The following CD247 variants were observed in gnomAD, a reference collection of about 807,000 sequenced individuals.
CD247 encodes the protein T-cell surface glycoprotein CD3 zeta chain.
In CD247, 13 loss-of-function variants were observed where a neutral mutation model predicts 30.0. That is an observed-to-expected ratio of 0.43 (90% CI 0.28 to 0.69). The LOEUF is 0.69. CD247 is among the 30% of genes least tolerant of loss of function. The pLI is 0.16. For missense variants in CD247, 193 were observed against 212.6 expected (o/e 0.91, Z 0.57); for synonymous variants, 72 against 80.0 (o/e 0.90, Z 0.53).
chr1:167,485,894 A>G (rs1358415671), intron 1 of CD247, among the ~76,000 whole-genome samples: 1 of 151,630 alleles, frequency 6.6e-6, no homozygotes, highest in Non-Finnish European at 1.5e-5. Context: ...GAAAGAAACT[A>G]TGGAGCTGCC....
chr1:167,505,754 T>C lies in CD247; in HGVS notation c.58+12654A>G, dbSNP rs193275505. Among the ~76,000 whole-genome samples the C allele has an allele frequency of 2.7e-3, 405 of 152,334 alleles. 9 individuals are homozygous for C. Among genetic ancestry groups the C allele is most frequent in the Non-Finnish European group, 5.6e-4 (38 of 68,028 alleles). On this transcript the variant is annotated intron_variant, in intron 1 of 7. Transcript: ENST00000362089. ...TCTGGTAGGGGGAGTGGGGAGGGGT[T>C]TCCTCACTGTGGGGATGATCCAATG...
At chr1:167,477,475 C>T (rs111376814) in intron 1 of CD247, among the ~76,000 whole-genome samples, 5 of 152,166 alleles carry the variant, frequency 3.3e-5, no homozygotes. Flanking sequence ...CTCACTGATC[C>T]CTCCTGTGGG....
At chr1:167,479,603 C>A (rs1571566443) in intron 1 of CD247, among the ~76,000 whole-genome samples, 1 of 152,326 alleles carries the variant, frequency 6.6e-6, no homozygotes, top group South Asian at 2.1e-4. Context: ...GACCTCCCCG[C>A]TCCCCATCAT....
intron 1 of CD247, among the ~76,000 whole-genome samples, chr1:167,476,834 A>C (rs2102057861): frequency 6.6e-6 from 1 of 152,260 alleles, no homozygotes; most frequent in African/African-American, 2.4e-5. Flanking sequence ...CACATATAGA[A>C]GGTTTATTAT....
At chr1:167,473,945 G>A in intron 1 of CD247, among the ~76,000 whole-genome samples, 1 of 152,060 alleles carries the variant, frequency 6.6e-6, no homozygotes, top group African/African-American at 2.4e-5. Flanking sequence ...TCTGATGGCT[G>A]CTCCTGGCCT....
chr1:167,442,008 G>A (rs1651854362), intron 1 of CD247, among the ~76,000 whole-genome samples: 1 of 152,182 alleles, frequency 6.6e-6, no homozygotes. Context: ...CCACTCTGGA[G>A]GCTGAGGCAG....
chr1:167,478,965 T>C (rs1653861337), intron 1 of CD247, among the ~76,000 whole-genome samples: 2 of 152,374 alleles, frequency 1.3e-5, no homozygotes, highest in South Asian at 4.1e-4. Context: ...ATTACAGTTT[T>C]TAATATTGCA....
At chr1:167,469,679 A>G (rs1238095413) in intron 1 of CD247, among the ~76,000 whole-genome samples, 2 of 152,132 alleles carry the variant, frequency 1.3e-5, no homozygotes, top group Non-Finnish European at 2.9e-5. Context: ...AGATAAAGGA[A>G]AGTGTTCAAG....
intron 1 of CD247, among the ~76,000 whole-genome samples, chr1:167,492,283 C>T (rs988517144): frequency 3.9e-5 from 6 of 152,106 alleles, no homozygotes; most frequent in Non-Finnish European, 7.4e-5. Context: ...CCAGGAGAGC[C>T]GGAAGAGGTC....
chr1:167,455,007 G>A (rs1422595777), intron 1 of CD247, among the ~76,000 whole-genome samples: 1 of 152,230 alleles, frequency 6.6e-6, no homozygotes, highest in African/African-American at 2.4e-5. Flanking sequence ...GCTCCTCCCG[G>A]AGCTCCCCGA....
At chr1:167,506,753 A>G (rs1396071213) in intron 1 of CD247, among the ~76,000 whole-genome samples, 2 of 152,200 alleles carry the variant, frequency 1.3e-5, no homozygotes, top group Non-Finnish European at 2.9e-5. Context: ...TGATTAATTT[A>G]TCATAGGAAT....
At chr1:167,436,704 A>G (rs1325501611) in intron 4 of CD247, among the ~76,000 whole-genome samples, 1 of 152,232 alleles carries the variant, frequency 6.6e-6, no homozygotes, top group African/African-American at 2.4e-5. Context: ...AGACATATAA[A>G]TGGCTAAGAG....
chr1:167,433,953 C>G, intron 6 of CD247, 67 bp downstream of exon 6: 1 of 1,362,878 alleles, frequency 7.3e-7, no homozygotes, highest in Non-Finnish European at 1.1e-6. Flanking sequence ...GGAAAGGAGG[C>G]CTGCAGCAGG....
intron 1 of CD247, among the ~76,000 whole-genome samples, chr1:167,492,732 C>T (rs1341929082): frequency 6.6e-6 from 1 of 152,154 alleles, no homozygotes; most frequent in Non-Finnish European, 1.5e-5. Context: ...TCAGATCCAT[C>T]TCAAAGGGAT....
chr1:167,469,941 C>G (rs1653431866), intron 1 of CD247, among the ~76,000 whole-genome samples: 1 of 152,032 alleles, frequency 6.6e-6, no homozygotes, highest in African/African-American at 2.4e-5. Flanking sequence ...GAGATGGAGT[C>G]TCACTCTCGT....
At chr1:167,457,493 A>C (rs1652749425) in intron 1 of CD247, 1 of 152,308 alleles carries the variant, frequency 6.6e-6, no homozygotes, top group Non-Finnish European at 1.5e-5. Flanking sequence ...TATCACCTGC[A>C]AAGCCTGGAA....
At chr1:167,501,472 C>T (rs960422410) in intron 1 of CD247, among the ~76,000 whole-genome samples, 3 of 152,216 alleles carry the variant, frequency 2.0e-5, no homozygotes, top group Admixed American at 6.5e-5. Context: ...TGTAAACAAG[C>T]AGGTCTCACT....
At chr1:167,498,712 C>T (rs931048789) in intron 1 of CD247, among the ~76,000 whole-genome samples, 11 of 152,160 alleles carry the variant, frequency 7.2e-5, no homozygotes, top group Admixed American at 3.3e-4. Flanking sequence ...CCCAAGATCA[C>T]GTTGCTGGGT....
At chr1:167,451,398 C>T (rs977713181) in intron 1 of CD247, among the ~76,000 whole-genome samples, 1 of 152,214 alleles carries the variant, frequency 6.6e-6, no homozygotes, top group Non-Finnish European at 1.5e-5. Flanking sequence ...GATGCCCCGG[C>T]AAGCCCCAGG....
Sources: allele counts gnomAD v4.1 joint callset (sites outside exome capture counted in the v4.1 genomes callset), GRCh38; gene constraint gnomAD v4.1.1; transcripts MANE v1.5; gene names NCBI Gene and HGNC (gene_info 2026-07-23, HGNC 2026-07-21).